Variants in APBA1 observed in about 807,000 individuals in gnomAD.
APBA1 encodes the protein amyloid beta precursor protein binding family A member 1, also known as amyloid-beta A4 precursor protein-binding family A member 1.
In APBA1, 55 loss-of-function variants were observed where a neutral mutation model predicts 86.6. The observed-to-expected ratio is 0.64, with a 90% CI of 0.51 to 0.80. APBA1 has a LOEUF of 0.80. Among genes scored for constraint, APBA1 ranks in the 30% least tolerant of loss-of-function variants. The probability of loss-of-function intolerance (pLI) is 0.00; values close to 1 mark genes in which losing one functional copy is unlikely to be tolerated. For synonymous variants in APBA1, 511 were observed against 493.9 expected (o/e 1.03, Z -0.46); for missense variants, 1,090 against 1,183.0 (o/e 0.92, Z 1.15).
At chr9:69,564,276 A>G (rs1564078525) in intron 1 of APBA1, among the ~76,000 whole-genome samples, 1 of 152,306 alleles carries the variant, frequency 6.6e-6, no homozygotes, top group South Asian at 2.1e-4. Flanking sequence ...TTTAATACCA[A>G]ATGACAATCT....
intron 1 of APBA1, among the ~76,000 whole-genome samples, chr9:69,601,603 C>T (rs1822350828): frequency 6.6e-6 from 1 of 152,196 alleles, no homozygotes; most frequent in African/African-American, 2.4e-5. Context: ...ACAAAGTTTG[C>T]TCTCTGCAGA....
At chr9:69,432,466 C>A (rs149268084) in intron 12 of APBA1, 70 bp downstream of exon 12, 4 of 1,395,346 alleles carry the variant, frequency 2.9e-6, no homozygotes, top group Non-Finnish European at 3.8e-6. Context: ...CTCAGGGCCA[C>A]GGTGAGCATA....
At chr9:69,635,543 T>G (rs1366028743) in intron 1 of APBA1, among the ~76,000 whole-genome samples, 1 of 151,754 alleles carries the variant, frequency 6.6e-6, no homozygotes, top group Non-Finnish European at 1.5e-5. Context: ...ATAAAAAAAC[T>G]TAGAATGGCT....
chr9:69,531,601 G>T (rs1418006421), intron 1 of APBA1, among the ~76,000 whole-genome samples: 1 of 152,154 alleles, frequency 6.6e-6, no homozygotes, highest in East Asian at 1.9e-4. Context: ...ACAATCCTCA[G>T]TTGCATGACC....
intron 10 of APBA1, among the ~76,000 whole-genome samples, chr9:69,442,886 A>G (rs1165998554): frequency 2.0e-5 from 3 of 152,194 alleles, no homozygotes; most frequent in Non-Finnish European, 4.4e-5. Context: ...CAGGACTGGA[A>G]CTATGGATCC....
At chr9:69,631,744 A>G (rs1385023416) in intron 1 of APBA1, among the ~76,000 whole-genome samples, 3 of 152,214 alleles carry the variant, frequency 2.0e-5, no homozygotes, top group Admixed American at 6.5e-5. Flanking sequence ...GGATGAGTTC[A>G]TGTCCTTTGT....
intron 2 of APBA1, among the ~76,000 whole-genome samples, chr9:69,490,758 G>GA (rs1223760473): frequency 2.6e-5 from 4 of 151,970 alleles, no homozygotes; most frequent in African/African-American, 9.7e-5. Context: ...AAATTTACAA[G>GA]AAAAAAGCAA....
chr9:69,517,115 G>C lies in APBA1; in HGVS notation c.96C>G (p.Pro32=). Residue 32 remains proline, a synonymous_variant, in exon 2 of 13, where the codon CCC becomes CCG. Coordinates refer to ENST00000265381, the MANE Select transcript of APBA1 (RefSeq NM_001163.4). ...GCTGCTGCTGTTCCTCTTCCACCTC[G>C]GGGTGCTCCAGGTCGGCCTCCACCG... ...NESVEADLEH[P]EVEEEQQQPP... The C allele has an allele frequency of 2.5e-6, 4 of 1,575,620 alleles. No individual in the cohort carries two copies. Among genetic ancestry groups the C allele is most frequent in the Non-Finnish European group, 3.4e-6 (4 of 1,163,884 alleles).
intron 1 of APBA1, among the ~76,000 whole-genome samples, chr9:69,603,945 C>T (rs530951132): frequency 6.6e-6 from 1 of 152,266 alleles, no homozygotes; most frequent in African/African-American, 2.4e-5. Context: ...TCAGATACTG[C>T]AATATTACAC....
chr9:69,506,500 C>T (rs1484467232), intron 2 of APBA1, among the ~76,000 whole-genome samples: 2 of 69,194 alleles, frequency 2.9e-5, no homozygotes, highest in Non-Finnish European at 5.8e-5. Flanking sequence ...GAGGGGCGCC[C>T]GCCATTGCCC....
chr9:69,628,518 G>A (rs746947771), intron 1 of APBA1, among the ~76,000 whole-genome samples: 1 of 152,118 alleles, frequency 6.6e-6, no homozygotes, highest in East Asian at 1.9e-4. Flanking sequence ...GGCTAACCCC[G>A]CTCTGAAAAT....
chr9:69,606,581 T>G (rs1204414243), intron 1 of APBA1, among the ~76,000 whole-genome samples: 1 of 136,130 alleles, frequency 7.3e-6, no homozygotes, highest in Non-Finnish European at 1.5e-5. Flanking sequence ...AAGCTCTGCC[T>G]CCCAGGTTCA....
chr9:69,664,689 T>C (rs1335443934), intron 1 of APBA1, among the ~76,000 whole-genome samples: 4 of 152,250 alleles, frequency 2.6e-5, no homozygotes, highest in Admixed American at 2.6e-4. Context: ...CCTATATTCC[T>C]AGAATATGCA....
chr9:69,642,655 G>A (rs763156728), intron 1 of APBA1, among the ~76,000 whole-genome samples: 1 of 152,016 alleles, frequency 6.6e-6, no homozygotes, highest in Non-Finnish European at 1.5e-5. Context: ...GATAGAGAGA[G>A]ATAGAGAGAA....
At chr9:69,604,125 T>C (rs891257576) in intron 1 of APBA1, among the ~76,000 whole-genome samples, 2 of 152,106 alleles carry the variant, frequency 1.3e-5, no homozygotes, top group Non-Finnish European at 2.9e-5. Context: ...TAAGTGTGAG[T>C]ATAATAGGTC....
intron 2 of APBA1, among the ~76,000 whole-genome samples, chr9:69,510,357 C>A (rs2133881360): frequency 6.6e-6 from 1 of 150,588 alleles, no homozygotes; most frequent in South Asian, 2.1e-4. Flanking sequence ...AGGAATCCAA[C>A]TTACAAGGGA....
chr9:69,441,286 C>T (rs572400285), intron 10 of APBA1, among the ~76,000 whole-genome samples, 171 bp from the exon 11 acceptor site: 1 of 152,324 alleles, frequency 6.6e-6, no homozygotes, highest in South Asian at 2.1e-4. Context: ...TGCTCGGCTT[C>T]ACCTACCCAG....
Position 69,434,419 on chromosome 9 carries a change from A to G in APBA1, c.2302-1743T>C, listed in dbSNP as rs560090212. On this transcript the variant is annotated intron_variant, in intron 11 of 12. Coordinates refer to ENST00000265381, the MANE Select transcript of APBA1 (RefSeq NM_001163.4). ...TTCAGGGAACAAACTGGCTTAAAAC[A>G]AAAAAAAAAAAGTCAAAGGCCCTGG... Among the ~76,000 whole-genome samples, 351 of 123,874 alleles carry G rather than the reference A, an allele frequency of 2.8e-3. 2 individuals carry two copies. Among genetic ancestry groups the G allele is most frequent in the African/African-American group, 0.015 (328 of 21,250 alleles). 81.3% of individuals were successfully genotyped at this position (123,874 alleles called of 152,430 possible). A position where few individuals can be genotyped will look rare whatever the true frequency, so the allele number is the denominator to read the frequency against.
chr9:69,475,380 G>T (rs1423658317), intron 3 of APBA1, among the ~76,000 whole-genome samples: 2 of 152,228 alleles, frequency 1.3e-5, no homozygotes, highest in Non-Finnish European at 2.9e-5. Context: ...TCCAGGGTTT[G>T]ACAGGCACAT....
Sources: allele counts gnomAD v4.1 joint callset (sites outside exome capture counted in the v4.1 genomes callset), GRCh38; gene constraint gnomAD v4.1.1; transcripts MANE v1.5; gene names NCBI Gene and HGNC (gene_info 2026-07-23, HGNC 2026-07-21).